The following DNM3 variants were observed in gnomAD, a reference collection of about 807,000 sequenced individuals.
DNM3 encodes the protein dynamin-3.
In DNM3, 47 loss-of-function variants were observed where a neutral mutation model predicts 101.6. That is an observed-to-expected ratio of 0.46 (90% CI 0.37 to 0.59). The LOEUF is 0.59. Ranked by LOEUF, DNM3 falls within the 20% of genes least tolerant of loss-of-function variation. The probability of loss-of-function intolerance (pLI) is 0.00; values close to 1 mark genes in which losing one functional copy is unlikely to be tolerated. For missense variants in DNM3, 849 were observed against 1,085.7 expected (o/e 0.78, Z 3.06); for synonymous variants, 385 against 387.9 (o/e 0.99, Z 0.09).
intron 2 of DNM3, among the ~76,000 whole-genome samples, chr1:171,969,396 G>A (rs889784139): frequency 6.6e-6 from 1 of 152,188 alleles, no homozygotes; most frequent in Non-Finnish European, 1.5e-5. Context: ...TGAAGTTCCT[G>A]TGAGCTCTGA....
At chr1:172,220,824 G>A (rs1325462760) in intron 14 of DNM3, among the ~76,000 whole-genome samples, 6 of 152,104 alleles carry the variant, frequency 3.9e-5, no homozygotes, top group Non-Finnish European at 8.8e-5. Flanking sequence ...AATTGATAAC[G>A]ATGATGAGTA....
rs142874464 is a variant in DNM3 at position 172,308,163 on chromosome 1, G to C, written c.1770-565G>C. ...TGTATTGCATTTTATGTAATATCAGGAAAAGAAATATAAAAGGAAAATACT... is the reference window on the plus strand; with the variant it reads ...TGTATTGCATTTTATGTAATATCAGCAAAAGAAATATAAAAGGAAAATACT... On this transcript the variant is annotated intron_variant, in intron 15 of 20. Transcript: ENST00000627582. 2.8e-3 allele frequency among the ~76,000 whole-genome samples: 421 copies of C among 152,160 alleles called. 1 individual carries two copies. Among genetic ancestry groups the C allele is most frequent in the African/African-American group, 9.5e-3 (395 of 41,534 alleles).
chr1:171,934,852 A>G (rs531427051), intron 2 of DNM3, among the ~76,000 whole-genome samples: 6 of 152,326 alleles, frequency 3.9e-5, no homozygotes, highest in Admixed American at 1.3e-4. Context: ...AGTAGCTACC[A>G]TTTTTTGAGC....
Position 172,395,067 on chromosome 1 carries a change from T to G in DNM3, c.2522+6258T>G, listed in dbSNP as rs570771902. Among the ~76,000 whole-genome samples, 327 of 152,302 alleles carry G rather than the reference T, an allele frequency of 2.1e-3. 1 individual carries two copies. Among genetic ancestry groups the G allele is most frequent in the African/African-American group, 7.2e-3 (301 of 41,564 alleles). ...TTAACGACGTCAACGATTCATGGCA[T>G]GACATTGCTCATAGCTCTTTCACCT... On this transcript the variant is annotated intron_variant, in intron 20 of 20. Transcript: ENST00000627582.
chr1:172,054,947 G>A (rs1392718843), intron 10 of DNM3, among the ~76,000 whole-genome samples: 4 of 151,962 alleles, frequency 2.6e-5, no homozygotes, highest in African/African-American at 9.7e-5. Flanking sequence ...CAACAACAGC[G>A]AGACTCCATT....
rs1571363669 is a variant in DNM3, at chr1:171,876,057, C to G, written c.161+34240C>G. 2.6e-5 allele frequency among the ~76,000 whole-genome samples: 4 copies of G among 151,944 alleles called. No individual in the cohort carries two copies. In the South Asian group the frequency reaches 8.3e-4, roughly 31 times the overall value. ...ATCTCTTGACCTTGTGATCCGCCCC[C>G]CTCGGCCTCGCAAAGTCCTGGGATT... On this transcript the variant is annotated intron_variant, in intron 1 of 20. Coordinates refer to ENST00000627582, the MANE Select transcript of DNM3 (RefSeq NM_015569.5).
chr1:172,001,972 C>G (rs1375530189), intron 4 of DNM3, among the ~76,000 whole-genome samples: 1 of 151,938 alleles, frequency 6.6e-6, no homozygotes, highest in African/African-American at 2.4e-5. Flanking sequence ...CTTAGTTGAG[C>G]AGAAGCTTCA....
At chr1:171,990,287 A>G (rs369010892) in intron 4 of DNM3, among the ~76,000 whole-genome samples, 2 of 152,122 alleles carry the variant, frequency 1.3e-5, no homozygotes, top group South Asian at 2.1e-4. Context: ...TTGTTCGTGC[A>G]TGAGAGTGGA....
intron 20 of DNM3, among the ~76,000 whole-genome samples, chr1:172,407,410 T>C (rs1245070922): frequency 6.6e-6 from 1 of 152,104 alleles, no homozygotes; most frequent in African/African-American, 2.4e-5. Context: ...AAAGCCATCA[T>C]TGTCTGAAAC....
intron 15 of DNM3, among the ~76,000 whole-genome samples, chr1:172,258,210 A>G (rs1049082687): frequency 6.6e-6 from 1 of 151,968 alleles, no homozygotes; most frequent in Non-Finnish European, 1.5e-5. Flanking sequence ...TTGATTCCAT[A>G]TCTTTGCTAT....
chr1:172,179,307 C>T (rs898876510), intron 14 of DNM3, among the ~76,000 whole-genome samples: 1 of 151,902 alleles, frequency 6.6e-6, no homozygotes, highest in African/African-American at 2.4e-5. Context: ...AAGTTTGTTA[C>T]TCCCACTAGT....
chr1:172,248,610 C>G (rs1403661190), intron 14 of DNM3, among the ~76,000 whole-genome samples: 1 of 151,102 alleles, frequency 6.6e-6, no homozygotes, highest in African/African-American at 2.4e-5. Context: ...GCCACAAGAA[C>G]CTGCCTTCTT....
At chr1:172,103,226 A>G (rs2054778931) in intron 13 of DNM3, among the ~76,000 whole-genome samples, 1 of 152,090 alleles carries the variant, frequency 6.6e-6, no homozygotes, top group Non-Finnish European at 1.5e-5. Flanking sequence ...ACACAAAGAC[A>G]CTGTGATTTA....
intron 1 of DNM3, among the ~76,000 whole-genome samples, chr1:171,852,960 T>TA (rs1183000383): frequency 6.6e-6 from 1 of 152,030 alleles, no homozygotes. Context: ...AACCTGGCTT[T>TA]AAAAAAATGT....
chr1:171,860,804 T>C (rs893199029), intron 1 of DNM3, among the ~76,000 whole-genome samples: 2 of 87,806 alleles, frequency 2.3e-5, no homozygotes, highest in African/African-American at 1.3e-4. Context: ...ATGGACTAGA[T>C]GGGGAAGGGA....
intron 2 of DNM3, among the ~76,000 whole-genome samples, chr1:171,944,195 C>A (rs2041998337): frequency 6.6e-6 from 1 of 151,972 alleles, no homozygotes; most frequent in Non-Finnish European, 1.5e-5. Flanking sequence ...ACAGTCTTCA[C>A]ATGCCAGGAA....
intron 11 of DNM3, among the ~76,000 whole-genome samples, chr1:172,081,041 G>C (rs1311312882): frequency 6.6e-6 from 1 of 152,176 alleles, no homozygotes; most frequent in East Asian, 1.9e-4. Flanking sequence ...GATCTCACTG[G>C]GAGCTGCATA....
chr1:172,173,930 A>G (rs1306060014), intron 14 of DNM3, among the ~76,000 whole-genome samples: 5 of 151,678 alleles, frequency 3.3e-5, no homozygotes, highest in African/African-American at 1.2e-4. Context: ...AATAGTATTT[A>G]AAAGCCAAAT....
At chr1:171,961,155 G>T (rs1558331737) in intron 2 of DNM3, among the ~76,000 whole-genome samples, 1 of 152,088 alleles carries the variant, frequency 6.6e-6, no homozygotes, top group East Asian at 1.9e-4. Context: ...TCCTAGAGTT[G>T]GGATTTTATA....
Sources: gnomAD v4.1 joint callset for allele counts (sites outside exome capture counted in the v4.1 genomes callset) on GRCh38, gnomAD v4.1.1 for gene constraint, MANE v1.5 for transcripts, NCBI Gene and HGNC (gene_info 2026-07-23, HGNC 2026-07-21) for gene names.